TESK2: variants seen among roughly 807,000 people sequenced by gnomAD.
TESK2 encodes the protein dual specificity testis-specific protein kinase 2.
TESK2 carries 39 observed loss-of-function variants against 57.1 expected under a neutral mutation model. The ratio of observed to expected loss-of-function variants is 0.68; its 90% CI spans 0.53 to 0.89. The LOEUF (loss-of-function observed/expected upper bound fraction) is 0.89, where lower values mean the gene tolerates loss of function less well. Among genes scored for constraint, TESK2 ranks in the 40% least tolerant of loss-of-function variants. The pLI, the probability that TESK2 is intolerant of heterozygous loss-of-function variation, is 0.00. For synonymous variants in TESK2, 249 were observed against 267.9 expected (o/e 0.93, Z 0.69); for missense variants, 646 against 732.1 (o/e 0.88, Z 1.36).
intron 5 of TESK2, among the ~76,000 whole-genome samples, chr1:45,354,212 G>A (rs1023388575): frequency 6.6e-6 from 1 of 152,186 alleles, no homozygotes; most frequent in African/African-American, 2.4e-5. Context: ...TGTATGAGTT[G>A]GCTGGGCACA....
chr1:45,409,782 G>A (rs1162141743), intron 3 of TESK2, among the ~76,000 whole-genome samples: 5 of 152,172 alleles, frequency 3.3e-5, no homozygotes, highest in Non-Finnish European at 7.4e-5. Context: ...TGAATGGTGG[G>A]AGAGGTCTGG....
chr1:45,420,005 C>A (rs1257864504), intron 3 of TESK2, among the ~76,000 whole-genome samples: 4 of 152,158 alleles, frequency 2.6e-5, no homozygotes, highest in Non-Finnish European at 5.9e-5. Flanking sequence ...CATATGAGTT[C>A]TCTCTAGCCT....
At chr1:45,368,390 T>C (rs1445309871) in intron 4 of TESK2, among the ~76,000 whole-genome samples, 1 of 152,086 alleles carries the variant, frequency 6.6e-6, no homozygotes, top group Non-Finnish European at 1.5e-5. Flanking sequence ...TTGTTTTGTT[T>C]TTCAGACGGA....
chr1:45,389,343 G>A (rs1227273721), intron 3 of TESK2, among the ~76,000 whole-genome samples: 1 of 152,154 alleles, frequency 6.6e-6, no homozygotes, highest in East Asian at 1.9e-4. Context: ...AGCCCAGGAA[G>A]TTGAGGCTGC....
At chr1:45,440,094 G>T (rs1651382526) in intron 2 of TESK2, among the ~76,000 whole-genome samples, 1 of 151,936 alleles carries the variant, frequency 6.6e-6, no homozygotes, top group African/African-American at 2.4e-5. Context: ...TGGAATTACA[G>T]ACATGCACCA....
chr1:45,371,735 A>G (rs978511702), intron 4 of TESK2, among the ~76,000 whole-genome samples: 5 of 151,216 alleles, frequency 3.3e-5, no homozygotes, highest in African/African-American at 9.7e-5. Flanking sequence ...GGGCATGGTG[A>G]TGCACGCCTG....
chr1:45,448,823 A>G (rs571211368), intron 2 of TESK2, among the ~76,000 whole-genome samples: 1 of 152,190 alleles, frequency 6.6e-6, no homozygotes, highest in South Asian at 2.1e-4. Context: ...TTAAAATAAC[A>G]ATGAGATACT....
At chr1:45,444,734 A>G (rs1651582086) in intron 2 of TESK2, among the ~76,000 whole-genome samples, 1 of 152,250 alleles carries the variant, frequency 6.6e-6, no homozygotes, top group Non-Finnish European at 1.5e-5. Context: ...GAAATCTAAC[A>G]TCGCTGACTC....
At chr1:45,480,979 TTC>T (rs1653193485) in intron 1 of TESK2, among the ~76,000 whole-genome samples, 1 of 148,492 alleles carries the variant, frequency 6.7e-6, no homozygotes, top group Non-Finnish European at 1.5e-5. Context: ...TGAAGTGAGA[TTC>T]TGTCTCAAAA....
rs568900858 is a variant in TESK2, at chr1:45,459,319, C to G, written c.-86-1448G>C. On this transcript the variant is annotated intron_variant, in intron 1 of 10. Coordinates refer to ENST00000372086, the MANE Select transcript of TESK2 (RefSeq NM_007170.3). ...TTCAAAGAAAAAAAAAGGAAGGGAA[C>G]TTTTTGAATTCCCTATTCTGCTCTA... Among the ~76,000 whole-genome samples, 9 of 152,260 alleles carry G rather than the reference C, an allele frequency of 5.9e-5. No homozygotes were observed. In the South Asian group the frequency reaches 1.9e-3, roughly 32 times the overall value.
chr1:45,345,446 AT>A lies in TESK2; in HGVS notation c.1109del (p.Asp370ValfsTer11). 6.2e-7 allele frequency: 1 copy of A among 1,614,126 alleles called. No individual in the cohort carries two copies. The highest frequency in any genetic ancestry group is 8.5e-7 in the Non-Finnish European group (1 of 1,180,020). On this transcript the variant is annotated frameshift_variant, in exon 11 of 11. Coordinates refer to ENST00000372086, the MANE Select transcript of TESK2 (RefSeq NM_007170.3). LOFTEE classifies it high-confidence loss of function. ...TACGTGGGGGCTTACGGGAAAAGAT[AT>A]CTGACTGGCTTCGAGACAGCCAGAT... ...RTIWLSRSQS[D>X]IFSRKPPRTV...
chr1:45,452,174 T>A (rs1162226734), intron 2 of TESK2, among the ~76,000 whole-genome samples: 1 of 152,196 alleles, frequency 6.6e-6, no homozygotes, highest in Non-Finnish European at 1.5e-5. Flanking sequence ...AAACTCAGGC[T>A]GCACAAAATT....
intron 4 of TESK2, among the ~76,000 whole-genome samples, chr1:45,362,447 A>C (rs1435009847): frequency 6.6e-6 from 1 of 152,236 alleles, no homozygotes; most frequent in Non-Finnish European, 1.5e-5. Flanking sequence ...CTAGTCAGCT[A>C]CAGTAGTTTC....
chr1:45,358,772 G>T (rs1190834679), intron 4 of TESK2, among the ~76,000 whole-genome samples: 1 of 152,088 alleles, frequency 6.6e-6, no homozygotes, highest in African/African-American at 2.4e-5. Context: ...TCATTTTAGA[G>T]AAGGCATTTA....
intron 3 of TESK2, among the ~76,000 whole-genome samples, chr1:45,396,805 GT>G (rs55739766): frequency 0.19 from 14,284 of 73,768 alleles, 676 homozygotes; most frequent in Middle Eastern, 0.26. Context: ...CAGCTAAGTT[GT>G]TTTTTTTTTT....
chr1:45,425,258 C>T (rs1650640854), intron 2 of TESK2, among the ~76,000 whole-genome samples: 1 of 151,954 alleles, frequency 6.6e-6, no homozygotes, highest in Non-Finnish European at 1.5e-5. Flanking sequence ...TTCTATATGC[C>T]AACAGTGAAC....
intron 5 of TESK2, among the ~76,000 whole-genome samples, chr1:45,354,754 A>ACT (rs1219351879): frequency 1.5e-5 from 2 of 131,004 alleles, no homozygotes; most frequent in Non-Finnish European, 3.1e-5. Flanking sequence ...ATGCCACTGT[A>ACT]CTCCAGCCTG....
Position 45,344,918 on chromosome 1 carries a change from T to A in TESK2, c.1638A>T (p.Glu546Asp). Reference protein sequence around the residue: ...AGASEEMEVEERPAGSTPATF... With the variant: ...AGASEEMEVEDRPAGSTPATF... ...TGGCTGGAGTTGAGCCTGCTGGCCT[T>A]TCTTCTACCTCCATCTCCTCAGAAG... is the stretch of plus-strand genomic sequence containing the variant. Residue 546 changes from glutamate (E) to aspartate (D), a missense_variant, in exon 11 of 11, where the codon GAA becomes GAT. Coordinates refer to ENST00000372086, the MANE Select transcript of TESK2 (RefSeq NM_007170.3). The A allele has an allele frequency of 1.2e-6, 2 of 1,614,168 alleles. No individual in the cohort carries two copies. Among genetic ancestry groups the A allele is most frequent in the Non-Finnish European group, 8.5e-7 (1 of 1,180,036 alleles).
Position 45,344,073 on chromosome 1 carries a change from C to T in TESK2, c.*767G>A. The T allele has an allele frequency of 4.7e-6, 1 of 212,218 alleles. No homozygotes were observed. Among genetic ancestry groups the T allele is most frequent in the South Asian group, 8.9e-5 (1 of 11,268 alleles). 13.1% of individuals were successfully genotyped at this position (212,218 alleles called of 1,614,324 possible). ...GGCAGGAAGGGAAGCAAATCAGTCCCTGTATAAACCATTTAACCAATTGAA... is the reference window on the plus strand; with the variant it reads ...GGCAGGAAGGGAAGCAAATCAGTCCTTGTATAAACCATTTAACCAATTGAA... On this transcript the variant is annotated 3_prime_UTR_variant, in exon 11 of 11. Transcript: ENST00000372086.
Sources: allele counts gnomAD v4.1 joint callset (sites outside exome capture counted in the v4.1 genomes callset), GRCh38; gene constraint gnomAD v4.1.1; transcripts MANE v1.5; gene names NCBI Gene and HGNC (gene_info 2026-07-23, HGNC 2026-07-21).